The following SLIT3 variants were observed in gnomAD, a reference collection of about 807,000 sequenced individuals.
SLIT3 encodes the protein slit guidance ligand 3.
SLIT3 carries 68 observed loss-of-function variants against 184.0 expected under a neutral mutation model. The observed-to-expected ratio is 0.37, with a 90% confidence interval of 0.30 to 0.45. The LOEUF (loss-of-function observed/expected upper bound fraction) is 0.45. Ranked by LOEUF, SLIT3 falls within the 20% of genes least tolerant of loss-of-function variation. The pLI, the probability that SLIT3 is intolerant of heterozygous loss-of-function variation, is 1.00. For missense variants in SLIT3, 1,707 were observed against 2,026.0 expected (o/e 0.84, Z 3.02); for synonymous variants, 831 against 828.6 (o/e 1.00, Z -0.05).
chr5:169,146,388 C>T (rs967939233), intron 4 of SLIT3, among the ~76,000 whole-genome samples: 2 of 152,200 alleles, frequency 1.3e-5, no homozygotes, highest in African/African-American at 2.4e-5. Context: ...CTCTTTCAAA[C>T]GAGGGAATCT....
intron 4 of SLIT3, among the ~76,000 whole-genome samples, chr5:169,165,803 T>A (rs1252775552): frequency 2.6e-4 from 40 of 152,292 alleles, no homozygotes; most frequent in East Asian, 3.9e-4. Context: ...TGTGTTTACC[T>A]TGTCTATCAA....
chr5:168,754,987 C>T (rs1754843409), intron 16 of SLIT3, among the ~76,000 whole-genome samples: 1 of 152,226 alleles, frequency 6.6e-6, no homozygotes, highest in South Asian at 2.1e-4. Context: ...TCTAAGCTTT[C>T]TCACCAGTTA....
chr5:168,744,517 C>T (rs1256697786), intron 20 of SLIT3, among the ~76,000 whole-genome samples: 1 of 152,170 alleles, frequency 6.6e-6, no homozygotes, highest in African/African-American at 2.4e-5. Context: ...AAGTCAATGC[C>T]TGGTTTCAAA....
At position 168,919,728 on chromosome 5, in the gene SLIT3, C is replaced by T. The variant is rs375323855; in HGVS notation, c.414-36392G>A. On this transcript the variant is annotated intron_variant, in intron 4 of 35. Transcript: ENST00000519560. Reference sequence around the variant, plus strand: ...CTTGTCTAACAAAGATAAAGTTACACTTTAGTCTTTTCTTTTTCAGATTAA... The same window carrying T: ...CTTGTCTAACAAAGATAAAGTTACATTTTAGTCTTTTCTTTTTCAGATTAA... Among the ~76,000 whole-genome samples, 5 of 152,000 alleles carry T rather than the reference C, an allele frequency of 3.3e-5. No individual in the cohort carries two copies. The East Asian group carries it at 9.6e-4, about 29-fold the overall frequency.
chr5:168,990,579 G>A (rs1220056940), intron 4 of SLIT3, among the ~76,000 whole-genome samples: 3 of 152,196 alleles, frequency 2.0e-5, no homozygotes, highest in Non-Finnish European at 4.4e-5. Flanking sequence ...TAAAGGGAGA[G>A]TGAAGGGGAC....
intron 4 of SLIT3, among the ~76,000 whole-genome samples, chr5:169,114,878 C>T (rs745984283): frequency 6.6e-5 from 10 of 152,192 alleles, no homozygotes; most frequent in African/African-American, 9.7e-5. Context: ...TAAAAGAACA[C>T]GATGGCAATT....
At chr5:169,114,917 T>C (rs1032127444) in intron 4 of SLIT3, among the ~76,000 whole-genome samples, 12 of 152,130 alleles carry the variant, frequency 7.9e-5, no homozygotes, top group African/African-American at 2.9e-4. Flanking sequence ...AATTAGGCAG[T>C]TAGAGAAACA....
intron 5 of SLIT3, among the ~76,000 whole-genome samples, chr5:168,880,442 C>G (rs1295529292): frequency 6.6e-6 from 1 of 152,246 alleles, no homozygotes; most frequent in Non-Finnish European, 1.5e-5. Context: ...ACATCTTATA[C>G]AGTTTTGCCT....
chr5:168,937,621 C>A (rs1465118077), intron 4 of SLIT3, among the ~76,000 whole-genome samples: 2 of 152,050 alleles, frequency 1.3e-5, no homozygotes, highest in Non-Finnish European at 2.9e-5. Flanking sequence ...ATTCTCTGAG[C>A]CTGTGAACCT....
chr5:169,122,806 T>A (rs576566224), intron 4 of SLIT3, among the ~76,000 whole-genome samples: 2 of 152,060 alleles, frequency 1.3e-5, no homozygotes, highest in Admixed American at 1.3e-4. Context: ...TCCCAGCCCA[T>A]CCCCATCCCT....
intron 3 of SLIT3, among the ~76,000 whole-genome samples, chr5:169,241,858 G>A (rs1765415073): frequency 6.6e-6 from 1 of 152,182 alleles, no homozygotes; most frequent in South Asian, 2.1e-4. Flanking sequence ...AGAATTCTAA[G>A]TTGAGACCCA....
At chr5:169,011,344 A>G (rs1165102698) in intron 4 of SLIT3, among the ~76,000 whole-genome samples, 3 of 152,224 alleles carry the variant, frequency 2.0e-5, no homozygotes, top group Non-Finnish European at 4.4e-5. Context: ...AGGTGACCAT[A>G]GTAAGTCTCC....
chr5:169,009,841 A>C (rs1561604730), intron 4 of SLIT3, among the ~76,000 whole-genome samples: 1 of 152,232 alleles, frequency 6.6e-6, no homozygotes, highest in African/African-American at 2.4e-5. Context: ...GATGAACATA[A>C]TTTTAATGAT....
intron 5 of SLIT3, among the ~76,000 whole-genome samples, chr5:168,851,254 C>T (rs1268124447): frequency 1.4e-5 from 2 of 146,966 alleles, no homozygotes; most frequent in Non-Finnish European, 3.0e-5. Flanking sequence ...ACCCGGGAGG[C>T]GGAGCTTGCT....
intron 4 of SLIT3, among the ~76,000 whole-genome samples, chr5:169,087,220 G>T (rs530024866): frequency 1.6e-4 from 25 of 151,676 alleles, no homozygotes; most frequent in Non-Finnish European, 3.5e-4. Context: ...CATCCTGCAG[G>T]GGGTGGCTGT....
At chr5:169,202,252 A>C (rs1030711950) in intron 3 of SLIT3, among the ~76,000 whole-genome samples, 1 of 152,068 alleles carries the variant, frequency 6.6e-6, no homozygotes, top group Non-Finnish European at 1.5e-5. Flanking sequence ...AAATAAAATA[A>C]AATAAAATAA....
chr5:169,105,078 T>A (rs1347579183), intron 4 of SLIT3, among the ~76,000 whole-genome samples: 2 of 152,312 alleles, frequency 1.3e-5, no homozygotes, highest in Middle Eastern at 3.4e-3. Flanking sequence ...CATTTCCCTT[T>A]GTTTGCCTGT....
Position 169,149,181 on chromosome 5 carries a change from T to C in SLIT3, c.413+44298A>G, listed in dbSNP as rs367787161. 9.8e-5 allele frequency among the ~76,000 whole-genome samples: 15 copies of C among 152,324 alleles called. 1 individual carries two copies. The East Asian group carries it at 2.5e-3, about 25-fold the overall frequency. On this transcript the variant is annotated intron_variant, in intron 4 of 35. Transcript: ENST00000519560. ...CTGGGAAATTCTAATCACACACTAA[T>C]TGCATGACAAATTAAGAGGAAATGA...
chr5:169,071,630 C>G (rs1241879659), intron 4 of SLIT3, among the ~76,000 whole-genome samples: 4 of 152,292 alleles, frequency 2.6e-5, no homozygotes, highest in Admixed American at 2.0e-4. Context: ...GCCTCCACTT[C>G]AGGGGAGTTT....
Sources: allele counts gnomAD v4.1 joint callset (sites outside exome capture counted in the v4.1 genomes callset), GRCh38; gene constraint gnomAD v4.1.1; transcripts MANE v1.5; gene names NCBI Gene and HGNC (gene_info 2026-07-23, HGNC 2026-07-21).